The following GRM7 variants were observed in gnomAD, a reference collection of about 807,000 sequenced individuals.
The protein encoded by GRM7 is glutamate metabotropic receptor 7.
GRM7 carries 35 observed loss-of-function variants against 84.5 expected under a neutral mutation model. That is an observed-to-expected ratio of 0.41 (90% CI 0.32 to 0.55). The LOEUF (loss-of-function observed/expected upper bound fraction) is 0.55, where lower values mean the gene tolerates loss of function less well. GRM7 is among the 20% of genes least tolerant of loss of function. The pLI is 0.19. For missense variants in GRM7, 1,003 were observed against 1,194.6 expected, an observed-to-expected ratio of 0.84 and a Z score of 2.36; for synonymous variants, 487 against 455.1, an observed-to-expected ratio of 1.07 and a Z score of -0.89.
chr3:7,252,097 A>C (rs1248053208), intron 2 of GRM7, among the ~76,000 whole-genome samples: 1 of 152,148 alleles, frequency 6.6e-6, no homozygotes, highest in African/African-American at 2.4e-5. Flanking sequence ...TTACATTCAC[A>C]TTAAATTATA....
At chr3:7,449,578 CCTTTATA>C (rs1473444291) in intron 5 of GRM7, among the ~76,000 whole-genome samples, 1 of 152,004 alleles carries the variant, frequency 6.6e-6, no homozygotes, top group Non-Finnish European at 1.5e-5. Flanking sequence ...TGTTATAAAG[CCTTTATA>C]ATTGAAACTC....
chr3:7,469,531 A>C (rs1698608803), intron 7 of GRM7, among the ~76,000 whole-genome samples: 1 of 152,234 alleles, frequency 6.6e-6, no homozygotes, highest in African/African-American at 2.4e-5. Context: ...CTAAAGTTAA[A>C]GTTAACTAAT....
chr3:7,660,048 T>G (rs1177214041), intron 8 of GRM7, among the ~76,000 whole-genome samples: 1 of 152,220 alleles, frequency 6.6e-6, no homozygotes, highest in Non-Finnish European at 1.5e-5. Flanking sequence ...ACCAAATAGG[T>G]AGATAAAATA....
At chr3:7,608,895 G>A (rs1259557358) in intron 8 of GRM7, among the ~76,000 whole-genome samples, 3 of 152,142 alleles carry the variant, frequency 2.0e-5, no homozygotes, top group African/African-American at 7.2e-5. Flanking sequence ...TTTTCTGTAT[G>A]ATGTAAGAAA....
chr3:7,423,246 G>A (rs1037383681), intron 5 of GRM7, among the ~76,000 whole-genome samples: 2 of 152,150 alleles, frequency 1.3e-5, no homozygotes, highest in African/African-American at 4.8e-5. Flanking sequence ...ACACCAACTT[G>A]AAATCCCGGG....
chr3:7,234,790 G>A (rs899332205), intron 2 of GRM7, among the ~76,000 whole-genome samples: 2 of 152,106 alleles, frequency 1.3e-5, no homozygotes, highest in African/African-American at 2.4e-5. Flanking sequence ...GTCAAGATAT[G>A]GAAAAGATTC....
chr3:7,240,126 T>TTTTTTG (rs1697498951), intron 2 of GRM7, among the ~76,000 whole-genome samples: 1 of 132,996 alleles, frequency 7.5e-6, no homozygotes, highest in African/African-American at 3.1e-5. Context: ...TGAGGTTTTT[T>TTTTTTG]TTTTTTTTTT....
At chr3:7,190,286 G>A (rs930492210) in intron 2 of GRM7, among the ~76,000 whole-genome samples, 4 of 152,100 alleles carry the variant, frequency 2.6e-5, no homozygotes, top group African/African-American at 7.2e-5. Flanking sequence ...TTTTATATTA[G>A]TAAGCCTAGT....
At position 7,740,479 on chromosome 3, in the gene GRM7, C is replaced by G; in HGVS notation, c.*73C>G. On this transcript the variant is annotated 3_prime_UTR_variant, in exon 10 of 10. Transcript: ENST00000357716. ...TTGTCACCCAACCTGGCATAGGACT[C>G]TTTGGTCCTACCCGCTTCCCATCAC... 1 of 846,432 alleles carries G rather than the reference C, an allele frequency of 1.2e-6. No individual in the cohort carries two copies. Among genetic ancestry groups the G allele is most frequent in the East Asian group, 2.8e-5 (1 of 35,444 alleles). 52.4% of individuals were successfully genotyped at this position (846,432 alleles called of 1,614,324 possible). A position where few individuals can be genotyped will look rare whatever the true frequency, so the allele number is the denominator to read the frequency against.
At position 7,392,696 on chromosome 3, in the gene GRM7, G is replaced by C. The variant is rs190036853; in HGVS notation, c.1034-22327G>C. On this transcript the variant is annotated intron_variant, in intron 4 of 9. Transcript: ENST00000357716. ...TTTCCCCACTCCTTTTTGGTTGAGT[G>C]GTGGCTGCATCTGTGTCAGTCTGAC... 3.4e-3 allele frequency among the ~76,000 whole-genome samples: 512 copies of C among 152,268 alleles called. 4 individuals carry two copies. Among genetic ancestry groups the C allele is most frequent in the Non-Finnish European group, 4.9e-3 (334 of 68,010 alleles).
At chr3:6,881,203 T>G (rs952732413) in intron 1 of GRM7, among the ~76,000 whole-genome samples, 3 of 152,154 alleles carry the variant, frequency 2.0e-5, no homozygotes, top group African/African-American at 7.2e-5. Context: ...GGTAAATGTG[T>G]GCCATGGTGG....
At chr3:6,903,220 G>A (rs557552435) in intron 1 of GRM7, among the ~76,000 whole-genome samples, 1 of 145,528 alleles carries the variant, frequency 6.9e-6, no homozygotes, top group Non-Finnish European at 1.5e-5. Flanking sequence ...TTTTTTTTTG[G>A]TCTTCCCATT....
At chr3:7,707,817 G>A (rs1408783474) in intron 9 of GRM7, among the ~76,000 whole-genome samples, 3 of 151,772 alleles carry the variant, frequency 2.0e-5, no homozygotes, top group South Asian at 2.1e-4. Context: ...CATTGCACAT[G>A]TCTACTTACT....
chr3:6,990,912 G>C (rs1275766532), intron 1 of GRM7, among the ~76,000 whole-genome samples: 1 of 152,108 alleles, frequency 6.6e-6, no homozygotes, highest in African/African-American at 2.4e-5. Context: ...ACTGCTTAAA[G>C]GTCACAAGAG....
At chr3:7,250,226 G>A (rs937507411) in intron 2 of GRM7, among the ~76,000 whole-genome samples, 5 of 152,146 alleles carry the variant, frequency 3.3e-5, no homozygotes, top group African/African-American at 1.2e-4. Context: ...TGCCTCAGAA[G>A]ATTTCTTGTC....
intron 1 of GRM7, among the ~76,000 whole-genome samples, chr3:7,011,365 A>T (rs1403241587): frequency 1.3e-5 from 2 of 152,160 alleles, no homozygotes; most frequent in African/African-American, 4.8e-5. Flanking sequence ...GTAAATCTCT[A>T]CCCTGATGCT....
chr3:7,098,277 G>T (rs1416008510), intron 1 of GRM7, among the ~76,000 whole-genome samples: 2 of 151,970 alleles, frequency 1.3e-5, no homozygotes, highest in Non-Finnish European at 2.9e-5. Context: ...ACAGTTATTT[G>T]TTGGGTCCTT....
chr3:7,481,931 T>C (rs959697825), intron 7 of GRM7, among the ~76,000 whole-genome samples: 1 of 152,206 alleles, frequency 6.6e-6, no homozygotes, highest in African/African-American at 2.4e-5. Flanking sequence ...CTCACGCCTG[T>C]AATCCCCAGC....
intron 7 of GRM7, among the ~76,000 whole-genome samples, chr3:7,480,080 C>T (rs984404020): frequency 6.6e-6 from 1 of 151,956 alleles, no homozygotes; most frequent in Non-Finnish European, 1.5e-5. Flanking sequence ...CCTGTGTGCA[C>T]TGCTTTGTTC....
Sources: gnomAD v4.1 joint callset for allele counts (sites outside exome capture counted in the v4.1 genomes callset) on GRCh38, gnomAD v4.1.1 for gene constraint, MANE v1.5 for transcripts, NCBI Gene and HGNC (gene_info 2026-07-23, HGNC 2026-07-21) for gene names.